Variants in NALCN observed in about 807,000 individuals in gnomAD.
NALCN encodes sodium leak channel, non-selective.
In NALCN, 111 loss-of-function variants were observed where a neutral mutation model predicts 225.3. The observed-to-expected ratio is 0.49, with a 90% CI of 0.42 to 0.58. NALCN has a LOEUF of 0.58. Among genes scored for constraint, NALCN ranks in the 20% least tolerant of loss-of-function variants. NALCN has a pLI of 0.00. For synonymous variants in NALCN, 764 were observed against 769.0 expected (o/e 0.99, Z 0.11); for missense variants, 1,378 against 2,202.4 (o/e 0.63, Z 7.49).
At chr13:101,371,170 T>C (rs1004702478) in intron 6 of NALCN, among the ~76,000 whole-genome samples, 1 of 152,222 alleles carries the variant, frequency 6.6e-6, no homozygotes, top group Admixed American at 6.6e-5. Flanking sequence ...AAATTTGGGT[T>C]GTCACCAGTT....
intron 15 of NALCN, among the ~76,000 whole-genome samples, chr13:101,149,752 A>T (rs907948797): frequency 4.6e-5 from 7 of 152,298 alleles, no homozygotes; most frequent in African/African-American, 1.7e-4. Context: ...AGTATTTTGA[A>T]TCTCATGGCT....
intron 13 of NALCN, among the ~76,000 whole-genome samples, chr13:101,227,881 G>C (rs749929406): frequency 1.3e-5 from 2 of 152,192 alleles, no homozygotes; most frequent in African/African-American, 2.4e-5. Context: ...CAGACATTTA[G>C]TACATGCTGT....
intron 26 of NALCN, among the ~76,000 whole-genome samples, chr13:101,102,758 A>G (rs75454699): frequency 0.018 from 2,705 of 152,294 alleles, 42 homozygotes; most frequent in Non-Finnish European, 0.029. Flanking sequence ...ATTCTGTGCT[A>G]TATTATTTCA....
chr13:101,403,793 C>A (rs1453330204), intron 1 of NALCN, among the ~76,000 whole-genome samples: 1 of 152,210 alleles, frequency 6.6e-6, no homozygotes, highest in African/African-American at 2.4e-5. Context: ...CAGACACACA[C>A]ATACACACTT....
intron 10 of NALCN, among the ~76,000 whole-genome samples, chr13:101,273,884 C>CAAAAA (rs34847260): frequency 3.3e-4 from 32 of 95,744 alleles, no homozygotes; most frequent in Non-Finnish European, 3.6e-4. Flanking sequence ...GACTCCATCT[C>CAAAAA]AAAAAAAAAA....
chr13:101,377,113 T>C, intron 4 of NALCN, 57 bp from the exon 5 acceptor site: 1 of 1,606,556 alleles, frequency 6.2e-7, no homozygotes, highest in Non-Finnish European at 8.5e-7. Flanking sequence ...TTGCTTATAG[T>C]CATGGAACAT....
intron 34 of NALCN, among the ~76,000 whole-genome samples, chr13:101,076,628 G>A (rs2033271638): frequency 6.6e-6 from 1 of 152,136 alleles, no homozygotes; most frequent in South Asian, 2.1e-4. Context: ...CCGCGAAGGG[G>A]GTCCAGTGAG....
chr13:101,346,030 AATAT>A (rs1311666889), intron 6 of NALCN, among the ~76,000 whole-genome samples: 1 of 136,628 alleles, frequency 7.3e-6, no homozygotes, highest in East Asian at 2.2e-4. Flanking sequence ...GGTAATTGGT[AATAT>A]ATATATGAGA....
At chr13:101,320,730 ATCCT>A (rs3062882) in intron 7 of NALCN, among the ~76,000 whole-genome samples, 150,753 of 152,142 alleles carry the variant, frequency 0.99, 74,705 homozygotes, top group East Asian at 1. Context: ...TCAGAGCTCT[ATCCT>A]TCCTTGTTCC....
At chr13:101,379,733 A>AG (rs1390743269) in intron 3 of NALCN, among the ~76,000 whole-genome samples, 1 of 152,070 alleles carries the variant, frequency 6.6e-6, no homozygotes, top group Admixed American at 6.6e-5. Flanking sequence ...GGGCTAGGAG[A>AG]GGGATAGCAT....
intron 14 of NALCN, chr13:101,180,406 G>A (rs1399082545): frequency 6.7e-6 from 1 of 148,756 alleles, no homozygotes; most frequent in Non-Finnish European, 1.5e-5. Context: ...GTAGAGACAA[G>A]GTTGACCAGG....
chr13:101,149,582 A>T (rs1341711095), intron 15 of NALCN, among the ~76,000 whole-genome samples: 1 of 152,228 alleles, frequency 6.6e-6, no homozygotes, highest in African/African-American at 2.4e-5. Flanking sequence ...ACTCAGCACA[A>T]CTTGGTCATT....
chr13:101,164,239 C>T (rs1207532420), intron 15 of NALCN, among the ~76,000 whole-genome samples: 1 of 152,104 alleles, frequency 6.6e-6, no homozygotes, highest in Non-Finnish European at 1.5e-5. Context: ...TTTTGAATCT[C>T]CCACCTATAC....
intron 6 of NALCN, among the ~76,000 whole-genome samples, chr13:101,364,339 A>C (rs547447387): frequency 1.3e-5 from 2 of 152,158 alleles, no homozygotes; most frequent in African/African-American, 4.8e-5. Context: ...CCAATGGATA[A>C]ATGGATAAAG....
intron 13 of NALCN, among the ~76,000 whole-genome samples, chr13:101,220,962 A>T (rs937006585): frequency 2.0e-5 from 3 of 152,182 alleles, no homozygotes; most frequent in African/African-American, 7.2e-5. Context: ...TTGGTTGTGA[A>T]GAATAAAAAT....
chr13:101,347,144 C>CACACAA (rs1306220545), intron 6 of NALCN, among the ~76,000 whole-genome samples: 2 of 151,060 alleles, frequency 1.3e-5, no homozygotes, highest in African/African-American at 4.9e-5. Context: ...TAGTTTTACA[C>CACACAA]ACACACACAC....
intron 10 of NALCN, among the ~76,000 whole-genome samples, chr13:101,265,913 A>G (rs1297951175): frequency 6.6e-6 from 1 of 152,204 alleles, no homozygotes; most frequent in African/African-American, 2.4e-5. Context: ...GGTTGGATAG[A>G]AGGTATAAGT....
At chr13:101,182,657 A>G (rs2139969159) in intron 14 of NALCN, among the ~76,000 whole-genome samples, 1 of 152,264 alleles carries the variant, frequency 6.6e-6, no homozygotes, top group East Asian at 1.9e-4. Context: ...TTTCAGATTG[A>G]TCCTCATCAA....
chr13:101,365,818 A>T (rs1380077868), intron 6 of NALCN, among the ~76,000 whole-genome samples: 1 of 152,136 alleles, frequency 6.6e-6, no homozygotes, highest in Non-Finnish European at 1.5e-5. Context: ...TGGTCCAGCC[A>T]TCGCGAATAT....
Sources: gnomAD v4.1 joint callset for allele counts (sites outside exome capture counted in the v4.1 genomes callset) on GRCh38, gnomAD v4.1.1 for gene constraint, MANE v1.5 for transcripts, NCBI Gene and HGNC (gene_info 2026-07-23, HGNC 2026-07-21) for gene names.